Variants in PTPRD observed in about 807,000 individuals in gnomAD.
PTPRD encodes the protein protein tyrosine phosphatase receptor type D.
A neutral mutation model predicts 214.5 loss-of-function variants in PTPRD; 34 were observed. That is an observed-to-expected ratio of 0.16 (90% CI 0.12 to 0.21). The LOEUF (loss-of-function observed/expected upper bound fraction) is 0.21, where lower values mean the gene tolerates loss of function less well. Ranked by LOEUF, PTPRD falls within the 10% of genes least tolerant of loss-of-function variation. PTPRD has a pLI of 1.00. For synonymous variants in PTPRD, 1,128 were observed against 845.7 expected, an observed-to-expected ratio of 1.33 and a Z score of -5.79; for missense variants, 2,545 against 2,398.7, an observed-to-expected ratio of 1.06 and a Z score of -1.27.
intron 9 of PTPRD, among the ~76,000 whole-genome samples, chr9:9,208,726 C>T (rs2099946573): frequency 6.6e-6 from 1 of 151,576 alleles, no homozygotes; most frequent in South Asian, 2.1e-4. Context: ...AGTTTGTAGA[C>T]ACTAATGAAT....
In PTPRD at chr9:8,517,784, T is replaced by G. The variant is rs149953095; in HGVS notation, c.1543+64A>C. ...CATCTTTGTTCCTTCTTTGTTTTTG[T>G]CCTTCTCACCTCTTTGCACCAGCCC... On this transcript the variant is annotated intron_variant, in intron 21 of 45. Coordinates refer to ENST00000381196, the MANE Select transcript of PTPRD (RefSeq NM_002839.4). 3.7e-4 allele frequency: 518 copies of G among 1,383,160 alleles called. 4 individuals carry two copies. In the East Asian group the frequency reaches 1.0e-2, roughly 27 times the overall value. The allele number at this position is 1,383,160 out of a possible 1,614,324, so 85.7% of individuals were successfully genotyped here.
intron 5 of PTPRD, among the ~76,000 whole-genome samples, chr9:9,936,104 C>T (rs1198237191): frequency 7.1e-5 from 10 of 140,004 alleles, no homozygotes; most frequent in Non-Finnish European, 9.0e-5. Context: ...CTTAAACGTT[C>T]GACCTAAAAC....
At chr9:8,694,119 G>C (rs1185345144) in intron 12 of PTPRD, among the ~76,000 whole-genome samples, 1 of 152,138 alleles carries the variant, frequency 6.6e-6, no homozygotes, top group Non-Finnish European at 1.5e-5. Flanking sequence ...TTTAACAATG[G>C]ATAGTGATGG....
At chr9:8,370,165 A>G (rs10758967) in intron 39 of PTPRD, among the ~76,000 whole-genome samples, 85,454 of 151,684 alleles carry the variant, frequency 0.56, 27,648 homozygotes, top group Non-Finnish European at 0.74. Context: ...TAAGATAAAA[A>G]CAATACTATA....
chr9:9,480,540 TA>T (rs543622110), intron 8 of PTPRD, among the ~76,000 whole-genome samples: 23 of 151,914 alleles, frequency 1.5e-4, no homozygotes, highest in African/African-American at 2.7e-4. Context: ...AAGCAATATT[TA>T]AAAAAAATGT....
intron 12 of PTPRD, among the ~76,000 whole-genome samples, chr9:8,693,987 A>G (rs1461962933): frequency 6.6e-6 from 1 of 152,216 alleles, no homozygotes; most frequent in Non-Finnish European, 1.5e-5. Flanking sequence ...TTACTTTACA[A>G]AAGCATTGGA....
At chr9:9,810,508 G>A (rs1483074665) in intron 5 of PTPRD, among the ~76,000 whole-genome samples, 2 of 151,644 alleles carry the variant, frequency 1.3e-5, no homozygotes, top group Non-Finnish European at 2.9e-5. Flanking sequence ...CTACTCTGTC[G>A]GTGCTCTAGA....
chr9:10,103,352 G>A (rs1355321456), intron 3 of PTPRD, among the ~76,000 whole-genome samples: 5 of 117,334 alleles, frequency 4.3e-5, no homozygotes, highest in African/African-American at 1.6e-4. Flanking sequence ...TATTGCCATT[G>A]AGTTATGACA....
intron 44 of PTPRD, among the ~76,000 whole-genome samples, chr9:8,329,152 C>G (rs1056496012): frequency 3.3e-5 from 5 of 151,976 alleles, no homozygotes; most frequent in Non-Finnish European, 5.9e-5. Context: ...CTGGTTTCTC[C>G]CCATCTTCGT....
chr9:9,703,309 C>G (rs1225591650), intron 7 of PTPRD, among the ~76,000 whole-genome samples: 1 of 152,034 alleles, frequency 6.6e-6, no homozygotes, highest in African/African-American at 2.4e-5. Flanking sequence ...TATAAATTAC[C>G]CAATCTCAGG....
intron 11 of PTPRD, among the ~76,000 whole-genome samples, chr9:8,765,971 C>A (rs2094706726): frequency 6.6e-6 from 1 of 151,938 alleles, no homozygotes; most frequent in Non-Finnish European, 1.5e-5. Flanking sequence ...TACTCTAAAG[C>A]TATAAACAGG....
chr9:8,391,466 A>G (rs936606211), intron 36 of PTPRD, among the ~76,000 whole-genome samples: 1 of 152,174 alleles, frequency 6.6e-6, no homozygotes, highest in Non-Finnish European at 1.5e-5. Flanking sequence ...CCTCCCCAAC[A>G]CCAGATTACT....
intron 12 of PTPRD, among the ~76,000 whole-genome samples, chr9:8,671,886 C>A (rs557353021): frequency 6.6e-6 from 1 of 152,226 alleles, no homozygotes; most frequent in Non-Finnish European, 1.5e-5. Flanking sequence ...CTCTCTTGGA[C>A]AATTTCAAAG....
intron 35 of PTPRD, among the ~76,000 whole-genome samples, chr9:8,425,732 T>C (rs1156479832): frequency 1.3e-5 from 2 of 152,168 alleles, no homozygotes; most frequent in African/African-American, 4.8e-5. Flanking sequence ...TCTTGATTAT[T>C]TTTGGTTCTC....
At chr9:9,347,290 T>A (rs953616193) in intron 9 of PTPRD, among the ~76,000 whole-genome samples, 1 of 150,056 alleles carries the variant, frequency 6.7e-6, no homozygotes, top group Non-Finnish European at 1.5e-5. Context: ...TTTCTATACT[T>A]CAGAGGACTC....
intron 5 of PTPRD, among the ~76,000 whole-genome samples, chr9:9,840,686 A>C (rs1052505098): frequency 7.1e-5 from 10 of 141,140 alleles, no homozygotes; most frequent in African/African-American, 2.3e-4. Flanking sequence ...TCGCTTGAAC[A>C]CGGGAGGCAG....
intron 8 of PTPRD, among the ~76,000 whole-genome samples, chr9:9,505,217 G>A (rs551278360): frequency 1.3e-5 from 2 of 151,618 alleles, no homozygotes; most frequent in South Asian, 4.1e-4. Flanking sequence ...CTACCACAAT[G>A]GTTTCATTTA....
intron 11 of PTPRD, among the ~76,000 whole-genome samples, chr9:8,774,419 A>G (rs2095375091): frequency 6.6e-6 from 1 of 152,156 alleles, no homozygotes; most frequent in African/African-American, 2.4e-5. Context: ...TGACAAGATG[A>G]AGATGAAGAA....
intron 10 of PTPRD, among the ~76,000 whole-genome samples, chr9:9,066,755 G>T (rs324506): frequency 6.6e-6 from 1 of 152,030 alleles, no homozygotes; most frequent in Non-Finnish European, 1.5e-5. Flanking sequence ...CGACCATGGG[G>T]TAGCTATCCA....
Sources: allele counts gnomAD v4.1 joint callset (sites outside exome capture counted in the v4.1 genomes callset), GRCh38; gene constraint gnomAD v4.1.1; transcripts MANE v1.5; gene names NCBI Gene and HGNC (gene_info 2026-07-23, HGNC 2026-07-21).